The following PRKCZ variants were observed in gnomAD, a reference collection of about 807,000 sequenced individuals.
PRKCZ encodes the protein protein kinase C zeta, also known as protein kinase C zeta type.
Under a neutral mutation model 79.5 loss-of-function variants are expected in PRKCZ, and 33 were observed. The ratio of observed to expected loss-of-function variants is 0.41; its 90% confidence interval spans 0.31 to 0.55. The LOEUF is 0.55. Among genes scored for constraint, PRKCZ ranks in the 20% least tolerant of loss-of-function variants. The pLI is 0.19. For missense variants in PRKCZ, 578 were observed against 813.5 expected (o/e 0.71, Z 3.52); for synonymous variants, 342 against 320.9 (o/e 1.07, Z -0.70).
In PRKCZ at chr1:2,082,758, TC is replaced by T. The variant is rs1663798820; in HGVS notation, c.334+23169del. On this transcript the variant is annotated intron_variant, in intron 4 of 17. Coordinates refer to ENST00000378567, the MANE Select transcript of PRKCZ (RefSeq NM_002744.6). This position sits in a 1 kb window ranked among gnomAD's most constrained non-coding sequence, Gnocchi z 4.4. ...TTCCATTTGTTTTTTTGCCTGAGCG[TC>T]CGGGGGTGGCTTTGAGGACACCTGT... Among the ~76,000 whole-genome samples, 1 of 145,250 alleles carries T rather than the reference TC, an allele frequency of 6.9e-6. No homozygotes were observed. The highest frequency in any genetic ancestry group is 2.5e-5 in the African/African-American group (1 of 40,046).
chr1:2,169,680 T>C (rs1233083817), intron 11 of PRKCZ, 76 bp downstream of exon 11: 4 of 329,398 alleles, frequency 1.2e-5, no homozygotes, highest in Non-Finnish European at 1.7e-5. Context: ...GTTGGGGGGC[T>C]GGGTGGGTGC....
Position 2,120,298 on chromosome 1 carries a change from T to TG in PRKCZ, c.335-14964_335-14963insG, listed in dbSNP as rs1431861494. On this transcript the variant is annotated intron_variant, in intron 4 of 17. Transcript: ENST00000378567. ...ATATCAGCCCTTGACTTTTCGTTTT[T>TG]TTTTTTTTTTTTTTTTTTTTTTTTG... Among the ~76,000 whole-genome samples the TG allele has an allele frequency of 4.1e-5, 5 of 121,962 alleles. No individual in the cohort carries two copies. In the East Asian group the frequency reaches 1.0e-3, roughly 25 times the overall value. The allele number at this position is 121,962 out of a possible 152,430, so 80.0% of individuals were successfully genotyped here.
intron 16 of PRKCZ, among the ~76,000 whole-genome samples, chr1:2,175,668 G>A (rs552277185): frequency 3.5e-4 from 53 of 151,940 alleles, no homozygotes; most frequent in African/African-American, 1.1e-3. Flanking sequence ...TCTTTGACAT[G>A]GCCCCACTTG....
intron 4 of PRKCZ, chr1:2,073,928 C>T (rs1436812121): frequency 9.1e-6 from 12 of 1,324,446 alleles, no homozygotes; most frequent in Non-Finnish European, 1.1e-5. Flanking sequence ...AGAAGAAAGC[C>T]GGTGAGTCGG....
intron 4 of PRKCZ, among the ~76,000 whole-genome samples, chr1:2,093,940 G>T (rs1346751634): frequency 6.6e-6 from 1 of 152,142 alleles, no homozygotes; most frequent in African/African-American, 2.4e-5. Flanking sequence ...TGAGTGTGGG[G>T]CCAGGGCAGA....
intron 4 of PRKCZ, among the ~76,000 whole-genome samples, chr1:2,096,565 C>G (rs1441779264): frequency 6.6e-6 from 1 of 152,176 alleles, no homozygotes; most frequent in African/African-American, 2.4e-5. Flanking sequence ...AGTGCAGATG[C>G]TGTTGGCCTA....
intron 5 of PRKCZ, among the ~76,000 whole-genome samples, chr1:2,136,105 C>T (rs1676146418): frequency 6.6e-6 from 1 of 152,190 alleles, no homozygotes; most frequent in African/African-American, 2.4e-5. Context: ...CCACACTCAC[C>T]TGCCACGTGG....
At position 2,062,238 on chromosome 1, in the gene PRKCZ, C is replaced by T. The variant is rs371440031; in HGVS notation, c.334+2647C>T. ...CAAAATATATTCAAAAAGGGAACCC[C>T]GTGCCCGTCATCGGTCACTCCCTGT... On this transcript the variant is annotated intron_variant, in intron 4 of 17. Transcript: ENST00000378567. 1.7e-4 allele frequency among the ~76,000 whole-genome samples: 26 copies of T among 152,252 alleles called. No homozygotes were observed. The East Asian group carries it at 1.9e-3, about 11-fold the overall frequency.
rs1685747960 is a variant in PRKCZ at position 2,177,691 on chromosome 1, A to G, written c.1575+2378A>G. Among the ~76,000 whole-genome samples the G allele has an allele frequency of 6.6e-6, 1 of 152,038 alleles. No homozygotes were observed. Among genetic ancestry groups the G allele is most frequent in the Non-Finnish European group, 1.5e-5 (1 of 67,994 alleles). ...GCACGCCAGGTGATCTCTGGCACAC[A>G]CTTGCCGCGGGCTGTCTCTCGGAAG... On this transcript the variant is annotated intron_variant, in intron 16 of 17. Coordinates refer to ENST00000378567, the MANE Select transcript of PRKCZ (RefSeq NM_002744.6). The surrounding 1 kb of genome is among the most constrained non-coding windows in gnomAD (Gnocchi z 6.4).
intron 4 of PRKCZ, among the ~76,000 whole-genome samples, chr1:2,088,077 G>T (rs931368684): frequency 6.6e-6 from 1 of 152,220 alleles, no homozygotes; most frequent in African/African-American, 2.4e-5. Context: ...GTGGGTGGGG[G>T]CCTCGGGCTC....
chr1:2,087,869 C>T (rs1480220937), intron 4 of PRKCZ, among the ~76,000 whole-genome samples: 1 of 152,192 alleles, frequency 6.6e-6, no homozygotes, highest in African/African-American at 2.4e-5. Context: ...GCACCGGGGG[C>T]AGCATCCAGG....
rs1418072699 is a variant in PRKCZ at position 2,172,428 on chromosome 1, G to A, written c.1285+40G>A. On this transcript the variant is annotated intron_variant, in intron 13 of 17. Transcript: ENST00000378567. The surrounding 1 kb of genome is among the most constrained non-coding windows in gnomAD (Gnocchi z 7.8). ...CCTGGCCCCTCTCGGAGCACACAGG[G>A]CCAGAGATGGCTTCGGGCCTGGCCC... 6.3e-7 allele frequency: 1 copy of A among 1,582,314 alleles called. No homozygotes were observed. Among genetic ancestry groups the A allele is most frequent in the East Asian group, 2.3e-5 (1 of 43,662 alleles).
upstream of PRKCZ, among the ~76,000 whole-genome samples, chr1:2,048,512 A>C (rs1209570678): frequency 1.3e-5 from 2 of 152,192 alleles, no homozygotes; most frequent in Admixed American, 1.3e-4. Context: ...GTGGCCGTGC[A>C]AAGACGGAGG....
intron 7 of PRKCZ, among the ~76,000 whole-genome samples, chr1:2,147,922 T>C (rs1005640969): frequency 2.0e-5 from 3 of 151,572 alleles, no homozygotes; most frequent in Non-Finnish European, 4.4e-5. Flanking sequence ...TGTTGTCCAC[T>C]GACCTCTCCG....
intron 10 of PRKCZ, among the ~76,000 whole-genome samples, chr1:2,164,411 CGGG>C (rs1180595936): frequency 1.3e-5 from 2 of 152,160 alleles, no homozygotes; most frequent in Non-Finnish European, 2.9e-5. Context: ...CTGTGACTGT[CGGG>C]GGACTCTGCA....
intron 5 of PRKCZ, among the ~76,000 whole-genome samples, chr1:2,139,174 G>A (rs1676817768): frequency 6.6e-6 from 1 of 152,218 alleles, no homozygotes; most frequent in East Asian, 1.9e-4. Context: ...GAGAAGCTGA[G>A]AACCGGTGTG....
At chr1:2,098,008 C>T (rs573634091) in intron 4 of PRKCZ, among the ~76,000 whole-genome samples, 11 of 152,076 alleles carry the variant, frequency 7.2e-5, no homozygotes, top group South Asian at 4.2e-4. Context: ...CAGTACGAGC[C>T]GGAGTGGCGG....
At chr1:2,133,713 G>T (rs1489313950) in intron 4 of PRKCZ, 3 of 152,650 alleles carry the variant, frequency 2.0e-5, no homozygotes, top group African/African-American at 7.2e-5. Context: ...CACTTTCTCT[G>T]TGGCCCACAG....
Position 2,172,255 on chromosome 1 carries a change from G to C in PRKCZ, c.1198-46G>C. 1 of 1,613,418 alleles carries C rather than the reference G, an allele frequency of 6.2e-7. No individual in the cohort carries two copies. Among genetic ancestry groups the C allele is most frequent in the Non-Finnish European group, 8.5e-7 (1 of 1,179,992 alleles). On this transcript the variant is annotated intron_variant, in intron 12 of 17. Transcript: ENST00000378567. The surrounding 1 kb of genome is among the most constrained non-coding windows in gnomAD (Gnocchi z 7.8). ...TGCGTCTCGGGGCGCCTGTCCCGCG[G>C]GGTAGTGTCTACAAGAACCCTCTCC...
Sources: gnomAD v4.1 joint callset for allele counts (sites outside exome capture counted in the v4.1 genomes callset) on GRCh38, gnomAD v4.1.1 for gene constraint, Gnocchi (gnomAD v3.1) non-coding constraint, MANE v1.5 for transcripts, NCBI Gene and HGNC (gene_info 2026-07-23, HGNC 2026-07-21) for gene names.